NRG2: variants seen among roughly 807,000 people sequenced by gnomAD.
The protein encoded by NRG2 is neuregulin 2, also known as pro-neuregulin-2, membrane-bound isoform.
Under a neutral mutation model 73.9 loss-of-function variants are expected in NRG2, and 27 were observed. That is an observed-to-expected ratio of 0.37 (90% CI 0.27 to 0.50). The LOEUF is 0.50. Ranked by LOEUF, NRG2 falls within the 20% of genes least tolerant of loss-of-function variation. The pLI, the probability that NRG2 is intolerant of heterozygous loss-of-function variation, is 0.96. For synonymous variants in NRG2, 532 were observed against 541.0 expected (o/e 0.98, Z 0.23); for missense variants, 1,126 against 1,210.1 (o/e 0.93, Z 1.03).
intron 1 of NRG2, among the ~76,000 whole-genome samples, chr5:139,943,640 T>C (rs940442907): frequency 6.6e-6 from 1 of 152,262 alleles, no homozygotes. Context: ...AATTATCATC[T>C]AATTTAATAA....
At chr5:139,993,684 A>T (rs1170004825) in intron 1 of NRG2, among the ~76,000 whole-genome samples, 2 of 152,212 alleles carry the variant, frequency 1.3e-5, no homozygotes, top group African/African-American at 2.4e-5. Flanking sequence ...TGTAATCCCT[A>T]AATTAGTTCC....
At chr5:139,944,017 A>ACTT (rs1237989443) in intron 1 of NRG2, among the ~76,000 whole-genome samples, 217 of 152,334 alleles carry the variant, frequency 1.4e-3, no homozygotes, top group African/African-American at 4.3e-3. Context: ...TACTGAATTA[A>ACTT]TGTTTTCTCA....
chr5:140,014,555 C>T (rs1318833107), intron 1 of NRG2, among the ~76,000 whole-genome samples: 1 of 151,954 alleles, frequency 6.6e-6, no homozygotes, highest in East Asian at 1.9e-4. Flanking sequence ...TTTTTTTACT[C>T]CTCCTTTTCT....
chr5:139,863,751 G>A (rs916093224), intron 5 of NRG2, among the ~76,000 whole-genome samples: 2 of 152,222 alleles, frequency 1.3e-5, no homozygotes, highest in African/African-American at 4.8e-5. Flanking sequence ...CAGAGCCTGC[G>A]TTCTAGAGAA....
At chr5:139,991,651 C>T (rs1280125965) in intron 1 of NRG2, among the ~76,000 whole-genome samples, 2 of 152,278 alleles carry the variant, frequency 1.3e-5, no homozygotes, top group East Asian at 3.9e-4. Context: ...CCCACCTCAG[C>T]CTCCCAAAGT....
chr5:140,017,796 G>A (rs1387318096), intron 1 of NRG2, among the ~76,000 whole-genome samples: 3 of 152,188 alleles, frequency 2.0e-5, no homozygotes, highest in Non-Finnish European at 4.4e-5. Context: ...TTTAAGATGG[G>A]AGAGACGTGA....
In NRG2 at chr5:139,848,023, G is replaced by A. The variant is rs1465035786; in HGVS notation, c.2447C>T (p.Ala816Val). ...CAGTGAGTAGTAAGTCCTGCTGTCG[G>A]CCGCCGGGCACAGTGGCGGCGAGTC... The part of the protein sequence containing the change: ...RSDSPPLCPA[A>V]DSRTYYSLDS... Residue 816 changes from alanine to valine, a missense_variant, in exon 10 of 10, where the codon GCC becomes GTC. Physicochemically the swap from Ala to Val is moderately conservative, Grantham distance 64. This residue lies in a region of NRG2 where 402 missense variants were observed against 357.8 expected (regional missense o/e 1.12). Coordinates refer to ENST00000361474, the MANE Select transcript of NRG2 (RefSeq NM_004883.3). The A allele has an allele frequency of 2.1e-5, 31 of 1,511,004 alleles. No homozygotes were observed. The highest frequency in any genetic ancestry group is 5.3e-6 in the Non-Finnish European group (6 of 1,134,782). 93.6% of individuals were successfully genotyped at this position (1,511,004 alleles called of 1,614,324 possible).
intron 1 of NRG2, among the ~76,000 whole-genome samples, chr5:139,938,926 AAAG>A (rs1391488988): frequency 6.3e-4 from 88 of 139,096 alleles, no homozygotes; most frequent in Middle Eastern, 3.7e-3. Flanking sequence ...AGAAAGAAAG[AAAG>A]AAAGAAAGAA....
intron 1 of NRG2, among the ~76,000 whole-genome samples, chr5:139,943,590 C>A (rs577956636): frequency 6.6e-6 from 1 of 152,158 alleles, no homozygotes; most frequent in African/African-American, 2.4e-5. Flanking sequence ...ATATATTATG[C>A]TCTTTTAGCA....
At chr5:139,965,235 G>A (rs1755406324) in intron 1 of NRG2, among the ~76,000 whole-genome samples, 1 of 152,202 alleles carries the variant, frequency 6.6e-6, no homozygotes, top group African/African-American at 2.4e-5. Context: ...GAACTACGTG[G>A]GGGAGATGGG....
intron 1 of NRG2, among the ~76,000 whole-genome samples, chr5:139,986,005 T>G (rs1757147749): frequency 6.6e-6 from 1 of 152,168 alleles, no homozygotes; most frequent in Non-Finnish European, 1.5e-5. Context: ...TGGGAAGAGC[T>G]GCTTCTCACA....
chr5:139,962,082 C>T (rs1007329330), intron 1 of NRG2, among the ~76,000 whole-genome samples: 5 of 152,188 alleles, frequency 3.3e-5, no homozygotes, highest in Admixed American at 3.3e-4. Context: ...GCCTCTTCTA[C>T]TCTATCTGTC....
At chr5:139,946,048 A>G (rs1753777915) in intron 1 of NRG2, among the ~76,000 whole-genome samples, 1 of 152,110 alleles carries the variant, frequency 6.6e-6, no homozygotes. Context: ...CCCCAGATCG[A>G]TCTACAGATT....
chr5:139,979,874 G>C (rs1561725480), intron 1 of NRG2, among the ~76,000 whole-genome samples: 1 of 152,228 alleles, frequency 6.6e-6, no homozygotes, highest in East Asian at 1.9e-4. Context: ...GAAACTGTGA[G>C]ATAACAAATG....
Position 139,848,618 on chromosome 5 carries a change from A to C in NRG2, c.1852T>G (p.Phe618Val). The C allele has an allele frequency of 6.3e-7, 1 of 1,577,672 alleles. No homozygotes were observed. The highest frequency in any genetic ancestry group is 8.5e-7 in the Non-Finnish European group (1 of 1,171,574). Residue 618 changes from phenylalanine to valine, a missense_variant, in exon 10 of 10, where the codon TTC becomes GTC. Around this residue, in one of 3 missense-constraint regions of NRG2, gnomAD observed 539 missense variants for 703.2 expected, o/e 0.77. Coordinates refer to ENST00000361474, the MANE Select transcript of NRG2 (RefSeq NM_004883.3). ...GCCGAGTTGGGGGACGTGATCTCGAAAGTTGGCACCTGCGTGGCCAGCGAG... is the reference window on the plus strand; with the variant it reads ...GCCGAGTTGGGGGACGTGATCTCGACAGTTGGCACCTGCGTGGCCAGCGAG... Reference protein sequence around the residue: ...HYSLATQVPTFEITSPNSAHA... With the variant: ...HYSLATQVPTVEITSPNSAHA...
rs76992780 is a variant in NRG2 at position 140,020,876 on chromosome 5, G to A, written c.700+21494C>T. ...CAAATTTCAGAGATGTTCATGTGTG[G>A]GGGTGGAGAGTAGGGTGAGTACATC... is the stretch of plus-strand genomic sequence containing the variant. On this transcript the variant is annotated intron_variant, in intron 1 of 9. Transcript: ENST00000361474. Among the ~76,000 whole-genome samples the A allele has an allele frequency of 1.0e-3, 155 of 152,324 alleles. 1 individual carries two copies. The highest frequency in any genetic ancestry group is 3.4e-3 in the African/African-American group (143 of 41,570).
intron 1 of NRG2, among the ~76,000 whole-genome samples, chr5:139,893,182 T>C (rs909711624): frequency 1.3e-5 from 2 of 152,248 alleles, no homozygotes; most frequent in African/African-American, 2.4e-5. Flanking sequence ...TTTTTCTCAG[T>C]CAATATACAT....
chr5:139,923,578 G>C, intron 1 of NRG2, among the ~76,000 whole-genome samples: 1 of 152,134 alleles, frequency 6.6e-6, no homozygotes, highest in Admixed American at 6.5e-5. Context: ...GGTTTCGATG[G>C]ACTATACCCT....
chr5:139,990,613 G>C (rs1380100125), intron 1 of NRG2, among the ~76,000 whole-genome samples: 1 of 152,096 alleles, frequency 6.6e-6, no homozygotes, highest in Non-Finnish European at 1.5e-5. Context: ...GCACCCACTA[G>C]CAATTTTGAA....
Sources: allele counts gnomAD v4.1 joint callset (sites outside exome capture counted in the v4.1 genomes callset), GRCh38; gene constraint gnomAD v4.1.1; regional missense constraint gnomAD v4.1.1; transcripts MANE v1.5; gene names NCBI Gene and HGNC (gene_info 2026-07-23, HGNC 2026-07-21).